Variants in SENP7 observed in about 807,000 individuals in gnomAD.
The protein encoded by SENP7 is sentrin-specific protease 7.
SENP7 carries 64 observed loss-of-function variants against 141.2 expected under a neutral mutation model. That is an observed-to-expected ratio of 0.45 (90% CI 0.37 to 0.56). The LOEUF is 0.56. SENP7 is among the 20% of genes least tolerant of loss of function. The probability of loss-of-function intolerance (pLI) is 0.00; values close to 1 mark genes in which losing one functional copy is unlikely to be tolerated. For missense variants in SENP7, 1,025 were observed against 1,212.2 expected, an observed-to-expected ratio of 0.85 and a Z score of 2.29; for synonymous variants, 382 against 426.4, an observed-to-expected ratio of 0.90 and a Z score of 1.28.
Position 101,442,183 on chromosome 3 carries a change from G to A in SENP7, c.284+16772C>T, listed in dbSNP as rs192609897. 1.9e-4 allele frequency among the ~76,000 whole-genome samples: 29 copies of A among 152,202 alleles called. No individual in the cohort carries two copies. In the East Asian group the frequency reaches 4.6e-3, roughly 24 times the overall value. On this transcript the variant is annotated intron_variant, in intron 4 of 23. Transcript: ENST00000394095. ...AAAAATACAATAATTCTCCAGTAAC[G>A]TAACACAGAGAAAAATATATGTATG... is the stretch of plus-strand genomic sequence containing the variant.
chr3:101,345,283 T>C (rs1329983590), intron 13 of SENP7, among the ~76,000 whole-genome samples: 1 of 152,140 alleles, frequency 6.6e-6, no homozygotes, highest in Non-Finnish European at 1.5e-5. Context: ...TGCATTGAAT[T>C]TGTAGATTGC....
At chr3:101,421,176 T>C (rs2061781128) in intron 4 of SENP7, among the ~76,000 whole-genome samples, 1 of 152,094 alleles carries the variant, frequency 6.6e-6, no homozygotes, top group South Asian at 2.1e-4. Context: ...TAAAATACCA[T>C]GATGCCTGCA....
intron 2 of SENP7, among the ~76,000 whole-genome samples, chr3:101,496,411 A>C (rs2065159005): frequency 6.6e-6 from 1 of 152,058 alleles, no homozygotes; most frequent in East Asian, 1.9e-4. Flanking sequence ...ATGCACCATC[A>C]TATCTGACTA....
intron 3 of SENP7, among the ~76,000 whole-genome samples, chr3:101,460,166 C>T (rs1013126043): frequency 1.3e-5 from 2 of 152,196 alleles, no homozygotes; most frequent in Non-Finnish European, 2.9e-5. Flanking sequence ...TCACTCCCTA[C>T]CAAAATTCCA....
rs755999877 is a variant in SENP7 at position 101,398,888 on chromosome 3, G to C, written c.650C>G (p.Pro217Arg). ...TTCAGATAAATAACAGCTCTTGTGA[G>C]GGTTTAGATTTTGATAAGATTCTAG... ...GSLESYQNLNPHKSCYLSERG... is the reference protein window; with the variant it reads ...GSLESYQNLNRHKSCYLSERG... Residue 217 changes from proline (P) to arginine (R), a missense_variant, in exon 6 of 24, where the codon CCT becomes CGT. This residue lies in a region of SENP7 where 496 missense variants were observed against 503.5 expected (regional missense o/e 0.99). Coordinates refer to ENST00000394095, the MANE Select transcript of SENP7 (RefSeq NM_020654.5). 3.1e-6 allele frequency: 5 copies of C among 1,606,692 alleles called. No individual in the cohort carries two copies. The African/African-American group carries it at 4.0e-5, about 13-fold the overall frequency.
intron 6 of SENP7, among the ~76,000 whole-genome samples, chr3:101,379,439 A>T (rs1035230849): frequency 6.6e-6 from 1 of 152,166 alleles, no homozygotes; most frequent in African/African-American, 2.4e-5. Context: ...TGCAAATCCC[A>T]TATCTATTAA....
chr3:101,374,432 A>T (rs537993116), intron 6 of SENP7, among the ~76,000 whole-genome samples: 7 of 152,336 alleles, frequency 4.6e-5, no homozygotes, highest in African/African-American at 1.7e-4. Context: ...AACACAGTCA[A>T]CAACAAAGAT....
Position 101,343,904 on chromosome 3 carries a change from T to C in SENP7, c.1888A>G (p.Arg630Gly), listed in dbSNP as rs182816925. ...FLELHNPVSQ[R>G]EELKLKDIMT... ...ATATCTTTCAGCTTCAATTCTTCTC[T>C]TTGTGAAACAGGATTGTGTAGTTCA... Residue 630 changes from arginine (R) to glycine (G), a missense_variant, in exon 14 of 24, where the codon AGA (arginine) becomes GGA (glycine). Transcript: ENST00000394095. The C allele has an allele frequency of 1.7e-4, 279 of 1,611,178 alleles. 1 individual carries two copies. Among genetic ancestry groups the C allele is most frequent in the Middle Eastern group, 1.5e-3 (9 of 6,052 alleles).
At chr3:101,490,324 C>T (rs1363586758) in intron 3 of SENP7, among the ~76,000 whole-genome samples, 1 of 151,058 alleles carries the variant, frequency 6.6e-6, no homozygotes, top group African/African-American at 2.4e-5. Flanking sequence ...AGATGCAAAA[C>T]ATGGATAAAT....
intron 1 of SENP7, among the ~76,000 whole-genome samples, chr3:101,510,069 T>C (rs2108215848): frequency 6.6e-6 from 1 of 152,312 alleles, no homozygotes; most frequent in East Asian, 1.9e-4. Flanking sequence ...TACTTGACGT[T>C]TCCTATTTTG....
intron 5 of SENP7, among the ~76,000 whole-genome samples, chr3:101,399,639 A>G (rs1234220960): frequency 2.0e-5 from 3 of 152,132 alleles, no homozygotes; most frequent in African/African-American, 7.2e-5. Context: ...TAGAAAATTA[A>G]AGTTTTTGTT....
intron 4 of SENP7, among the ~76,000 whole-genome samples, chr3:101,440,002 C>T: frequency 1.2e-5 from 1 of 81,750 alleles, no homozygotes; most frequent in African/African-American, 3.8e-5. Flanking sequence ...TGAGGGGCGC[C>T]TCTGCCCGGC....
At chr3:101,457,498 T>C (rs942104413) in intron 4 of SENP7, 3 of 1,609,636 alleles carry the variant, frequency 1.9e-6, no homozygotes, top group African/African-American at 2.7e-5. Context: ...GCCTGAACTT[T>C]AGGGTTGTTA....
intron 4 of SENP7, among the ~76,000 whole-genome samples, chr3:101,444,543 C>T (rs1360347065): frequency 2.6e-5 from 4 of 151,932 alleles, no homozygotes; most frequent in African/African-American, 9.7e-5. Flanking sequence ...ACATATACAC[C>T]ATGGAATACT....
chr3:101,474,373 G>T (rs1348295918), intron 3 of SENP7, among the ~76,000 whole-genome samples: 2 of 152,072 alleles, frequency 1.3e-5, no homozygotes, highest in East Asian at 1.9e-4. Context: ...GTGTTTTGTA[G>T]TTCTCCTTGA....
At chr3:101,475,175 C>G (rs1039872427) in intron 3 of SENP7, among the ~76,000 whole-genome samples, 1 of 152,068 alleles carries the variant, frequency 6.6e-6, no homozygotes, top group Non-Finnish European at 1.5e-5. Flanking sequence ...AGCAGAAATG[C>G]CATTTGACCC....
intron 2 of SENP7, among the ~76,000 whole-genome samples, chr3:101,497,465 C>T (rs1450752320): frequency 6.6e-6 from 1 of 151,416 alleles, no homozygotes; most frequent in East Asian, 1.9e-4. Context: ...GAAAACACAA[C>T]ATAAGCATCT....
In SENP7 at chr3:101,357,976, T is replaced by C; in HGVS notation, c.1623+3739A>G. On this transcript the variant is annotated intron_variant, in intron 11 of 23. Transcript: ENST00000394095. ...CTTTTAACCACCCCTCACCCCTTTT[T>C]TCACATAAGAAAATTCTTATTGGAG... 3 of 649,804 alleles carry C rather than the reference T, an allele frequency of 4.6e-6. No homozygotes were observed. In the South Asian group the frequency reaches 5.0e-5, roughly 11 times the overall value. 40.3% of individuals were successfully genotyped at this position (649,804 alleles called of 1,614,324 possible).
intron 3 of SENP7, among the ~76,000 whole-genome samples, chr3:101,461,224 A>T (rs1476776743): frequency 6.6e-6 from 1 of 152,178 alleles, no homozygotes; most frequent in African/African-American, 2.4e-5. Flanking sequence ...TCATGGTTTG[A>T]ATCAATATTG....
Sources: allele counts gnomAD v4.1 joint callset (sites outside exome capture counted in the v4.1 genomes callset), GRCh38; gene constraint gnomAD v4.1.1; regional missense constraint gnomAD v4.1.1; transcripts MANE v1.5; gene names NCBI Gene and HGNC (gene_info 2026-07-23, HGNC 2026-07-21).